The following PYGL variants were observed in gnomAD, a reference collection of about 807,000 sequenced individuals.
PYGL encodes the protein glycogen phosphorylase, liver form.
Under a neutral mutation model 100.1 loss-of-function variants are expected in PYGL, and 90 were observed. The ratio of observed to expected loss-of-function variants is 0.90; its 90% CI spans 0.76 to 1.07. The LOEUF (loss-of-function observed/expected upper bound fraction) is 1.07, where lower values mean the gene tolerates loss of function less well. Ranked by LOEUF, PYGL falls within the 50% of genes least tolerant of loss-of-function variation. The pLI is 0.00. For missense variants in PYGL, 1,016 were observed against 1,057.6 expected (o/e 0.96, Z 0.55); for synonymous variants, 373 against 393.0 (o/e 0.95, Z 0.60).
chr14:50,939,518 A>C (rs952778928), intron 1 of PYGL, among the ~76,000 whole-genome samples: 1 of 152,184 alleles, frequency 6.6e-6, no homozygotes, highest in Non-Finnish European at 1.5e-5. Context: ...TCAGAGTTGA[A>C]GGTGAGAGGT....
intron 7 of PYGL, 113 bp downstream of exon 7, chr14:50,920,428 T>G: frequency 9.5e-7 from 1 of 1,056,306 alleles, no homozygotes. Flanking sequence ...ATACGGAGCT[T>G]GTTCTGCACA....
intron 9 of PYGL, 59 bp downstream of exon 9, chr14:50,916,583 G>T: frequency 1.4e-6 from 2 of 1,466,946 alleles, no homozygotes; most frequent in Non-Finnish European, 1.9e-6. Flanking sequence ...GTTTTTGGCA[G>T]TCTTTCAACT....
chr14:50,914,707 T>A lies in PYGL; in HGVS notation c.1512A>T (p.Ile504=), dbSNP rs1356623577. 1.6e-5 allele frequency: 26 copies of A among 1,611,438 alleles called. No individual in the cohort carries two copies. Among genetic ancestry groups the A allele is most frequent in the Non-Finnish European group, 2.2e-5 (26 of 1,177,730 alleles). Residue 504 remains isoleucine, a synonymous_variant, in exon 12 of 20, where the codon ATA becomes ATT. Transcript: ENST00000216392. ...CTCAGCACTTCCCAGTTACCTCTGC[T>A]ATGAGCTCTGCAAGTCCTGGGTTGC... ...LLCNPGLAEL[I]AEKIGEDYVK... is the part of the protein sequence containing the mutation.
At chr14:50,923,687 CAAAA>C (rs762951824) in intron 5 of PYGL, 853 of 119,046 alleles carry the variant, frequency 7.2e-3, no homozygotes, top group South Asian at 0.013. Context: ...AATTTTCTGG[CAAAA>C]AAAAAAAAAA....
chr14:50,912,105 G>A, intron 14 of PYGL, 51 bp downstream of exon 14: 1 of 1,613,776 alleles, frequency 6.2e-7, no homozygotes. Context: ...CCTATGCTGA[G>A]TCTGCTGCTT....
At chr14:50,930,564 C>T (rs1421013991) in intron 4 of PYGL, among the ~76,000 whole-genome samples, 1 of 152,198 alleles carries the variant, frequency 6.6e-6, no homozygotes, top group Non-Finnish European at 1.5e-5. Flanking sequence ...TTTTCCTTGG[C>T]ACATTCTCTC....
At chr14:50,928,671 G>A (rs914286892) in intron 4 of PYGL, among the ~76,000 whole-genome samples, 25 of 152,056 alleles carry the variant, frequency 1.6e-4, no homozygotes, top group Admixed American at 1.0e-3. Context: ...AACACTCCAC[G>A]CCTGCAAATC....
Position 50,931,777 on chromosome 14 carries a change from C to G in PYGL, c.425-1G>C. ...GTTGCCATGGAATCCAAGAAGCAGG[C>G]TACATTCAACAGAGCACAGGCAAAA... On this transcript the variant is annotated splice_acceptor_variant, in intron 3 of 19. Transcript: ENST00000216392. LOFTEE classifies it high-confidence loss of function. The G allele has an allele frequency of 6.2e-7, 1 of 1,612,996 alleles. No individual in the cohort carries two copies. Among genetic ancestry groups the G allele is most frequent in the East Asian group, 2.2e-5 (1 of 44,870 alleles).
intron 6 of PYGL, 35 bp downstream of exon 6, chr14:50,920,921 A>G (rs1426436235): frequency 3.9e-6 from 6 of 1,557,938 alleles, no homozygotes; most frequent in Non-Finnish European, 5.3e-6. Flanking sequence ...GATTAAGCAC[A>G]CGCATAAAGA....
At chr14:50,921,170 A>G (rs1224000151) in intron 5 of PYGL, 103 bp from the exon 6 acceptor site, 2 of 896,760 alleles carry the variant, frequency 2.2e-6, no homozygotes, top group East Asian at 5.1e-5. Flanking sequence ...TCCTGGCTCC[A>G]TTACCAACTT....
chr14:50,918,074 G>A (rs1431593562), intron 7 of PYGL, among the ~76,000 whole-genome samples: 1 of 152,080 alleles, frequency 6.6e-6, no homozygotes, highest in Non-Finnish European at 1.5e-5. Flanking sequence ...ACAAACACAT[G>A]AAAAAATGCT....
chr14:50,937,144 G>T (rs2050660692), intron 2 of PYGL, among the ~76,000 whole-genome samples: 1 of 152,166 alleles, frequency 6.6e-6, no homozygotes. Flanking sequence ...AAAGGTTAAG[G>T]GCTACCTGTT....
chr14:50,911,659 C>A (rs1043593411), intron 16 of PYGL, 71 bp downstream of exon 16: 24 of 1,583,600 alleles, frequency 1.5e-5, no homozygotes, highest in Non-Finnish European at 2.0e-5. Flanking sequence ...AGGTTGGCTG[C>A]CCCATCTTTC....
In PYGL at chr14:50,911,592, G is replaced by A. The variant is rs76185044; in HGVS notation, c.1969+138C>T. 2,859 of 1,123,932 alleles carry A rather than the reference G, an allele frequency of 2.5e-3. 52 individuals carry two copies. The African/African-American group carries it at 0.038, about 15-fold the overall frequency. 69.6% of individuals were successfully genotyped at this position (1,123,932 alleles called of 1,614,324 possible). A position where few individuals can be genotyped will look rare whatever the true frequency, so the allele number is the denominator to read the frequency against. ...TTGGGTCACTTTAAAACCTCTTACC[G>A]TAGGCCCTTATTCTGCACAAGAGTG... is the stretch of plus-strand genomic sequence containing the variant. On this transcript the variant is annotated intron_variant, in intron 16 of 19. Transcript: ENST00000216392.
intron 4 of PYGL, among the ~76,000 whole-genome samples, chr14:50,930,709 G>A (rs1330491871): frequency 6.6e-6 from 1 of 152,158 alleles, no homozygotes; most frequent in Non-Finnish European, 1.5e-5. Flanking sequence ...CACAGCCTAG[G>A]TCTCTGCATC....
Position 50,931,692 on chromosome 14 carries a change from T to C in PYGL, c.509A>G (p.Lys170Arg). Residue 170 changes from lysine to arginine, a missense_variant, in exon 4 of 20, where the codon AAG (lysine) becomes AGG (arginine). Lys to Arg is a conservative substitution (Grantham distance 26). Coordinates refer to ENST00000216392, the MANE Select transcript of PYGL (RefSeq NM_002863.5). ...IRYEYGIFNQ[K>R]IRDGWQVEEA... ...ACACACCTGCCATCCATCTCGGATCTTCTGATTGAAAATCCCATATTCATA... is the reference window on the plus strand; with the variant it reads ...ACACACCTGCCATCCATCTCGGATCCTCTGATTGAAAATCCCATATTCATA... 2 of 1,613,890 alleles carry C rather than the reference T, an allele frequency of 1.2e-6. No homozygotes were observed. The highest frequency in any genetic ancestry group is 1.7e-6 in the Non-Finnish European group (2 of 1,179,814).
Position 50,933,697 on chromosome 14 carries a change from G to A in PYGL, c.424+1410C>T, listed in dbSNP as rs112678275. Among the ~76,000 whole-genome samples, 305 of 152,024 alleles carry A rather than the reference G, an allele frequency of 2.0e-3. 3 individuals carry two copies. Among genetic ancestry groups the A allele is most frequent in the African/African-American group, 6.8e-3 (282 of 41,466 alleles). On this transcript the variant is annotated intron_variant, in intron 3 of 19. Transcript: ENST00000216392. ...ACAGGGGGTCGTAGGGAACAGTTTCGTATTTAAAATTCCAGACCTTTTTTT... is the reference window on the plus strand; with the variant it reads ...ACAGGGGGTCGTAGGGAACAGTTTCATATTTAAAATTCCAGACCTTTTTTT...
intron 1 of PYGL, among the ~76,000 whole-genome samples, chr14:50,941,975 A>C (rs187544071): frequency 2.3e-4 from 35 of 152,298 alleles, no homozygotes; most frequent in Admixed American, 5.2e-4. Flanking sequence ...AGATATCTAG[A>C]TATGTTCACT....
chr14:50,932,801 G>T (rs2050614101), intron 3 of PYGL, among the ~76,000 whole-genome samples: 1 of 152,202 alleles, frequency 6.6e-6, no homozygotes, highest in Non-Finnish European at 1.5e-5. Context: ...GAATGAGGAA[G>T]TGTACAGTAG....
Sources: gnomAD v4.1 joint callset for allele counts (sites outside exome capture counted in the v4.1 genomes callset) on GRCh38, gnomAD v4.1.1 for gene constraint, MANE v1.5 for transcripts, NCBI Gene and HGNC (gene_info 2026-07-23, HGNC 2026-07-21) for gene names.